TBC1D5: variants seen among roughly 807,000 people sequenced by gnomAD.
TBC1D5 encodes the protein TBC1 domain family member 5.
TBC1D5 carries 75 observed loss-of-function variants against 100.3 expected under a neutral mutation model. The observed-to-expected ratio is 0.75, with a 90% CI of 0.62 to 0.91. The LOEUF (loss-of-function observed/expected upper bound fraction) is 0.91. Among genes scored for constraint, TBC1D5 ranks in the 40% least tolerant of loss-of-function variants. The pLI, the probability that TBC1D5 is intolerant of heterozygous loss-of-function variation, is 0.00. For missense variants in TBC1D5, 910 were observed against 942.4 expected (o/e 0.97, Z 0.45); for synonymous variants, 323 against 325.6 (o/e 0.99, Z 0.09).
At chr3:17,284,095 C>T (rs1575122216) in intron 15 of TBC1D5, among the ~76,000 whole-genome samples, 1 of 149,370 alleles carries the variant, frequency 6.7e-6, no homozygotes, top group Non-Finnish European at 1.5e-5. Context: ...ATTTTACACA[C>T]ACACACACAC....
At chr3:17,669,425 G>A (rs1046268205) in intron 1 of TBC1D5, among the ~76,000 whole-genome samples, 1 of 151,962 alleles carries the variant, frequency 6.6e-6, no homozygotes, top group Non-Finnish European at 1.5e-5. Context: ...AATATATATA[G>A]TACAAAATAC....
intron 13 of TBC1D5, among the ~76,000 whole-genome samples, chr3:17,365,563 T>C (rs2092059474): frequency 3.9e-5 from 6 of 152,320 alleles, no homozygotes; most frequent in Admixed American, 2.6e-4. Context: ...GTTTTAGCTA[T>C]ACATTTGCTG....
chr3:17,302,470 T>C (rs1193793665), intron 14 of TBC1D5, among the ~76,000 whole-genome samples: 5 of 151,830 alleles, frequency 3.3e-5, no homozygotes, highest in South Asian at 2.1e-4. Flanking sequence ...AATATATCTT[T>C]TGTTGAGGGG....
chr3:17,487,932 C>A (rs1360738653), intron 3 of TBC1D5, among the ~76,000 whole-genome samples: 1 of 152,186 alleles, frequency 6.6e-6, no homozygotes, highest in Non-Finnish European at 1.5e-5. Flanking sequence ...CTATTAACAT[C>A]TTCCATTAGT....
Position 17,390,224 on chromosome 3 carries a change from A to G in TBC1D5, c.510-6209T>C, listed in dbSNP as rs537943478. On this transcript the variant is annotated intron_variant, in intron 8 of 21. Coordinates refer to ENST00000253692, the Ensembl canonical transcript of TBC1D5. Reference sequence around the variant, plus strand: ...AGGGATGGAGAACAACTAAACACCAACTTTGGAGCCCCAATAACCAGGAAC... The same window carrying G: ...AGGGATGGAGAACAACTAAACACCAGCTTTGGAGCCCCAATAACCAGGAAC... Among the ~76,000 whole-genome samples the G allele has an allele frequency of 4.6e-5, 7 of 152,184 alleles. No individual in the cohort carries two copies. In the South Asian group the frequency reaches 1.2e-3, roughly 27 times the overall value.
At chr3:17,732,663 A>G (rs1260289425) in intron 1 of TBC1D5, among the ~76,000 whole-genome samples, 1 of 150,394 alleles carries the variant, frequency 6.6e-6, no homozygotes, top group East Asian at 2.0e-4. Context: ...GGGAGGTTGC[A>G]GTAAGATTAC....
chr3:17,380,039 CTGTGTA>C (rs748314992), intron 9 of TBC1D5, among the ~76,000 whole-genome samples: 10,131 of 99,974 alleles, frequency 0.1, 410 homozygotes, highest in Middle Eastern at 0.14. Context: ...ACAGCTGTGA[CTGTGTA>C]TGTGTGTGTG....
At chr3:17,582,640 T>C (rs1576833452) in intron 2 of TBC1D5, among the ~76,000 whole-genome samples, 1 of 151,398 alleles carries the variant, frequency 6.6e-6, no homozygotes, top group East Asian at 1.9e-4. Context: ...CAAAATGTTA[T>C]TTTATGATTT....
intron 13 of TBC1D5, among the ~76,000 whole-genome samples, chr3:17,363,621 C>CA (rs2091897234): frequency 6.6e-6 from 1 of 151,270 alleles, no homozygotes; most frequent in Non-Finnish European, 1.5e-5. Flanking sequence ...ACCTTGCCCC[C>CA]AGCCTGATCT....
chr3:17,250,336 C>T (rs1386395939), intron 16 of TBC1D5, among the ~76,000 whole-genome samples: 3 of 152,210 alleles, frequency 2.0e-5, no homozygotes, highest in South Asian at 4.1e-4. Context: ...AGACTATTTT[C>T]CACACAGCAC....
At chr3:17,713,563 G>A (rs1045555187) in intron 1 of TBC1D5, among the ~76,000 whole-genome samples, 2 of 152,010 alleles carry the variant, frequency 1.3e-5, no homozygotes, top group Non-Finnish European at 2.9e-5. Flanking sequence ...TTTTTCAAAC[G>A]ACAACTCAAC....
exon 22 of TBC1D5, chr3:17,157,519 T>G (rs777894775): frequency 3.9e-5 from 6 of 152,398 alleles, no homozygotes; most frequent in Non-Finnish European, 7.3e-5. Flanking sequence ...CGGCCTCTTC[T>G]CTCTGCTCCA....
chr3:17,192,876 C>T (rs1163876699), intron 18 of TBC1D5, among the ~76,000 whole-genome samples: 1 of 152,264 alleles, frequency 6.6e-6, no homozygotes, highest in Non-Finnish European at 1.5e-5. Context: ...CCAGGGAACA[C>T]TGGATTTGTC....
At chr3:17,247,194 A>G (rs530021542) in intron 16 of TBC1D5, among the ~76,000 whole-genome samples, 1 of 152,292 alleles carries the variant, frequency 6.6e-6, no homozygotes, top group African/African-American at 2.4e-5. Context: ...AACACTTTGC[A>G]TGTGTTGTCA....
intron 18 of TBC1D5, among the ~76,000 whole-genome samples, chr3:17,193,417 G>T (rs2070230186): frequency 6.6e-6 from 1 of 152,218 alleles, no homozygotes; most frequent in South Asian, 2.1e-4. Context: ...CATGCGAAGA[G>T]TTTCAAATCT....
chr3:17,729,389 T>G (rs1411066008), intron 1 of TBC1D5, among the ~76,000 whole-genome samples: 1 of 149,108 alleles, frequency 6.7e-6, no homozygotes, highest in Admixed American at 6.7e-5. Context: ...ACTGATTAAG[T>G]TACATGCTCA....
In TBC1D5 at chr3:17,383,770, C is replaced by A. The variant is rs564584036; in HGVS notation, c.612+143G>T. The A allele has an allele frequency of 1.3e-3, 685 of 526,864 alleles. 4 individuals are homozygous for A. Among genetic ancestry groups the A allele is most frequent in the South Asian group, 1.6e-3 (39 of 24,726 alleles). 32.6% of individuals were successfully genotyped at this position (526,864 alleles called of 1,614,324 possible). ...CAATGAGCTTACCTTTCTCACCATG[C>A]AGCTGACAAGCAACTCTCTGATTGC... On this transcript the variant is annotated intron_variant, in intron 9 of 21. Transcript: ENST00000253692.
rs141637374 is a variant in TBC1D5, at chr3:17,538,135, C to T, written c.-35-29530G>A. Among the ~76,000 whole-genome samples the T allele has an allele frequency of 1.8e-3, 273 of 152,180 alleles. 1 individual carries two copies. Among genetic ancestry groups the T allele is most frequent in the African/African-American group, 5.9e-3 (243 of 41,504 alleles). ...GACAGGGCAGGAGAGCACCCAAACA[C>T]GCACACCCCCACCCCCTGTTGCCCC... On this transcript the variant is annotated intron_variant, in intron 2 of 21. Coordinates refer to ENST00000253692, the Ensembl canonical transcript of TBC1D5.
At chr3:17,468,241 C>G (rs908561064) in intron 3 of TBC1D5, among the ~76,000 whole-genome samples, 1 of 152,154 alleles carries the variant, frequency 6.6e-6, no homozygotes, top group Non-Finnish European at 1.5e-5. Flanking sequence ...TAACTTACAT[C>G]CCTCTTTATG....
Sources: allele counts gnomAD v4.1 joint callset (sites outside exome capture counted in the v4.1 genomes callset), GRCh38; gene constraint gnomAD v4.1.1; transcripts MANE v1.5; gene names NCBI Gene and HGNC (gene_info 2026-07-23, HGNC 2026-07-21).